CDC42EP4: variants seen among roughly 807,000 people sequenced by gnomAD.
CDC42EP4 encodes CDC42 effector protein (Rho GTPase binding) 4.
Under a neutral mutation model 5.6 loss-of-function variants are expected in CDC42EP4, and 6 were observed. The ratio of observed to expected loss-of-function variants is 1.07; its 90% CI spans 0.59 to 2.12. The LOEUF is 2.12. Ranked by LOEUF, CDC42EP4 falls within the 30% of genes most tolerant of loss-of-function variation. The pLI is 0.00. For missense variants in CDC42EP4, 490 were observed against 508.6 expected, an observed-to-expected ratio of 0.96 and a Z score of 0.35; for synonymous variants, 230 against 224.2, an observed-to-expected ratio of 1.03 and a Z score of -0.23.
Position 73,286,513 on chromosome 17 carries a change from G to T in CDC42EP4, c.-13C>A, listed in dbSNP as rs1394628835. 2 of 1,568,058 alleles carry T rather than the reference G, an allele frequency of 1.3e-6. No homozygotes were observed. On this transcript the variant is annotated 5_prime_UTR_variant, in exon 2 of 2. Transcript: ENST00000335793. The surrounding 1 kb of genome is among the most constrained non-coding windows in gnomAD (Gnocchi z 7.7). ...TGAGGATTGGCATCTTGCTGGATGG[G>T]CGGGGAGGTGGGCCCTCCCGAGGTA...
At chr17:73,287,213 T>C (rs1599429045) in intron 1 of CDC42EP4, among the ~76,000 whole-genome samples, 2 of 152,140 alleles carry the variant, frequency 1.3e-5, no homozygotes, top group South Asian at 4.2e-4. Context: ...GAATCAGAAC[T>C]GGGGTGGGGC....
intron 1 of CDC42EP4, among the ~76,000 whole-genome samples, chr17:73,301,952 A>C: frequency 6.6e-6 from 1 of 151,754 alleles, no homozygotes; most frequent in Non-Finnish European, 1.5e-5. Context: ...GGCCTCCCAA[A>C]GTGCTGGGAT....
intron 1 of CDC42EP4, among the ~76,000 whole-genome samples, chr17:73,309,576 A>G (rs1210340859): frequency 6.6e-6 from 1 of 152,058 alleles, no homozygotes; most frequent in Non-Finnish European, 1.5e-5. Context: ...CAAGGGAAAG[A>G]GAGAAACGAG....
In CDC42EP4 at chr17:73,286,397, C is replaced by G; in HGVS notation, c.104G>C (p.Arg35Pro). The change falls in exon 2 of 2, where the codon CGC becomes CCC. Residue 35 changes from arginine (R) to proline (P), a missense_variant. Transcript: ENST00000335793. This position sits in a 1 kb window ranked among gnomAD's most constrained non-coding sequence, Gnocchi z 7.7. ...GGCCCGGCCAACGTGCATGGTGTGGCGGAAGTCGCCCAGCGGGGCGCTGAT... is the reference window on the plus strand; with the variant it reads ...GGCCCGGCCAACGTGCATGGTGTGGGGGAAGTCGCCCAGCGGGGCGCTGAT... ...EMISAPLGDF[R>P]HTMHVGRAGD... 6.2e-7 allele frequency: 1 copy of G among 1,613,938 alleles called. No individual in the cohort carries two copies. Among genetic ancestry groups the G allele is most frequent in the South Asian group, 1.1e-5 (1 of 91,084 alleles).
Position 73,286,648 on chromosome 17 carries a change from G to A in CDC42EP4, c.-112-36C>T, listed in dbSNP as rs1178118268. 6.4e-6 allele frequency: 4 copies of A among 628,480 alleles called. No individual in the cohort carries two copies. The highest frequency in any genetic ancestry group is 3.0e-5 in the Admixed American group (1 of 33,848). 38.9% of individuals were successfully genotyped at this position (628,480 alleles called of 1,614,324 possible). A position where few individuals can be genotyped will look rare whatever the true frequency, so the allele number is the denominator to read the frequency against. On this transcript the variant is annotated intron_variant, in intron 1 of 1. Transcript: ENST00000335793. This position sits in a 1 kb window ranked among gnomAD's most constrained non-coding sequence, Gnocchi z 7.7. ...AGAATGAGAGGCAAAGGATTAACGCGGGCTGGCCACACGGCACAAAAGCCT... is the reference window on the plus strand; with the variant it reads ...AGAATGAGAGGCAAAGGATTAACGCAGGCTGGCCACACGGCACAAAAGCCT...
Position 73,301,538 on chromosome 17 carries a change from T to C in CDC42EP4, c.-113+10355A>G, listed in dbSNP as rs144534645. On this transcript the variant is annotated intron_variant, in intron 1 of 1. Transcript: ENST00000335793. ...TCTGTAAGGTCCTTTCAGGCAATTA[T>C]GTGCATAACCTTAACTATTTCCAGA... 3.3e-5 allele frequency among the ~76,000 whole-genome samples: 5 copies of C among 152,328 alleles called. No individual in the cohort carries two copies. In the East Asian group the frequency reaches 7.7e-4, roughly 24 times the overall value.
At chr17:73,294,623 T>C (rs916442384) in intron 1 of CDC42EP4, among the ~76,000 whole-genome samples, 1 of 152,142 alleles carries the variant, frequency 6.6e-6, no homozygotes, top group African/African-American at 2.4e-5. Flanking sequence ...GGACAAACAC[T>C]GAATATGTAA....
intron 1 of CDC42EP4, among the ~76,000 whole-genome samples, chr17:73,303,740 A>G (rs981243238): frequency 1.3e-5 from 2 of 152,006 alleles, no homozygotes; most frequent in Non-Finnish European, 2.9e-5. Context: ...AAAATTCCAT[A>G]TGTGACTAGC....
chr17:73,285,546 C>G lies in CDC42EP4; in HGVS notation c.955G>C (p.Glu319Gln), dbSNP rs1312556360. ...SLSSCTSGIL[E>Q]ERSPAFRGPD... is the part of the protein sequence containing the mutation. ...CCCCGGAAGGCAGGGCTGCGCTCCT[C>G]CAGGATGCCTGAGGTGCAGCTGGAG... The change falls in exon 2 of 2, where the codon GAG (glutamate) becomes CAG (glutamine). Residue 319 changes from glutamate to glutamine, a missense_variant. Transcript: ENST00000335793. This position sits in a 1 kb window ranked among gnomAD's most constrained non-coding sequence, Gnocchi z 6.8. 6.2e-7 allele frequency: 1 copy of G among 1,612,146 alleles called. No homozygotes were observed.
In CDC42EP4 at chr17:73,285,635, G is replaced by A. The variant is rs776486580; in HGVS notation, c.866C>T (p.Ala289Val). 3.8e-6 allele frequency: 6 copies of A among 1,597,878 alleles called. No homozygotes were observed. The highest frequency in any genetic ancestry group is 2.2e-5 in the East Asian group (1 of 44,540). ...GCGGGCTGAGCCGGGGCTGGGGGCC[G>A]CTGCTGCCCACCCCTCATCCTCCAG... Reference protein sequence around the residue: ...HALEDEGWAAAAPSPGSARSM... With the variant: ...HALEDEGWAAVAPSPGSARSM... Residue 289 changes from alanine (A) to valine (V), a missense_variant, in exon 2 of 2, where the codon GCG (alanine) becomes GTG (valine). Transcript: ENST00000335793. The surrounding 1 kb of genome is among the most constrained non-coding windows in gnomAD (Gnocchi z 6.8).
chr17:73,297,216 C>T (rs973839977), intron 1 of CDC42EP4, among the ~76,000 whole-genome samples: 2 of 151,342 alleles, frequency 1.3e-5, no homozygotes, highest in African/African-American at 4.9e-5. Flanking sequence ...ATCACTTGAA[C>T]CCGGGAGGCG....
chr17:73,300,621 CT>C (rs1279500583), intron 1 of CDC42EP4, among the ~76,000 whole-genome samples: 43 of 152,312 alleles, frequency 2.8e-4, no homozygotes, highest in African/African-American at 9.9e-4. Context: ...TGAGAAGTTA[CT>C]TAATGGGTAC....
chr17:73,285,909 A>T lies in CDC42EP4; in HGVS notation c.592T>A (p.Tyr198Asn). The part of the protein sequence containing the change: ...TDLPVVPKAT[Y>N]GLKHAESIMS... ...ATGGACTCCGCATGCTTCAGCCCGTACGTGGCCTTGGGCACGACAGGCAGA... is the reference window on the plus strand; with the variant it reads ...ATGGACTCCGCATGCTTCAGCCCGTTCGTGGCCTTGGGCACGACAGGCAGA... Residue 198 changes from tyrosine (Y) to asparagine (N), a missense_variant, in exon 2 of 2, where the codon TAC becomes AAC. Tyr to Asn is a moderately radical substitution (Grantham distance 143). Transcript: ENST00000335793. The surrounding 1 kb of genome is among the most constrained non-coding windows in gnomAD (Gnocchi z 6.8). 6.2e-7 allele frequency: 1 copy of T among 1,614,032 alleles called. No homozygotes were observed. Among genetic ancestry groups the T allele is most frequent in the Non-Finnish European group, 8.5e-7 (1 of 1,180,042 alleles).
rs150761554 is a variant in CDC42EP4 at position 73,285,911 on chromosome 17, G to A, written c.590C>T (p.Thr197Met). ...LTDLPVVPKA[T>M]YGLKHAESIM... ...GGACTCCGCATGCTTCAGCCCGTAC[G>A]TGGCCTTGGGCACGACAGGCAGATC... is the stretch of plus-strand genomic sequence containing the variant. The change falls in exon 2 of 2, where the codon ACG (threonine) becomes ATG (methionine). Residue 197 changes from threonine (T) to methionine (M), a missense_variant. Coordinates refer to ENST00000335793, the MANE Select transcript of CDC42EP4 (RefSeq NM_012121.5). This position sits in a 1 kb window ranked among gnomAD's most constrained non-coding sequence, Gnocchi z 6.8. 305 of 1,614,008 alleles carry A rather than the reference G, an allele frequency of 1.9e-4. No individual in the cohort carries two copies. The highest frequency in any genetic ancestry group is 1.4e-3 in the African/African-American group (106 of 75,060).
intron 1 of CDC42EP4, among the ~76,000 whole-genome samples, chr17:73,304,277 C>CTTCTT (rs1555742426): frequency 1.5e-5 from 2 of 135,966 alleles, no homozygotes; most frequent in Non-Finnish European, 3.1e-5. Flanking sequence ...TCTTCTTCTT[C>CTTCTT]TTTTTTTTTT....
In CDC42EP4 at chr17:73,285,652, A is replaced by G; in HGVS notation, c.849T>C (p.Asp283=). Residue 283 remains aspartate (D), a synonymous_variant, in exon 2 of 2, where the codon GAT becomes GAC. Coordinates refer to ENST00000335793, the MANE Select transcript of CDC42EP4 (RefSeq NM_012121.5). This position sits in a 1 kb window ranked among gnomAD's most constrained non-coding sequence, Gnocchi z 6.8. ...LPSLPSHALE[D]EGWAAAAPSP... ...TGGGGGCCGCTGCTGCCCACCCCTC[A>G]TCCTCCAGAGCATGGGAGGGGAGGG... The G allele has an allele frequency of 6.3e-7, 1 of 1,592,410 alleles. No individual in the cohort carries two copies. Among genetic ancestry groups the G allele is most frequent in the Non-Finnish European group, 8.6e-7 (1 of 1,166,788 alleles).
chr17:73,287,331 C>G (rs965977602), intron 1 of CDC42EP4, among the ~76,000 whole-genome samples: 5 of 152,186 alleles, frequency 3.3e-5, no homozygotes, highest in African/African-American at 1.2e-4. Flanking sequence ...AGGCTCTTTG[C>G]TGAGGGTCCA....
At position 73,284,614 on chromosome 17, in the gene CDC42EP4, A is replaced by G. The variant is rs1262086160; in HGVS notation, c.*816T>C. ...GGAGGCTTAGTATAAAGGTTTTCTA[A>G]AAGGATTGATTCTCATTCTGAGGCA... On this transcript the variant is annotated 3_prime_UTR_variant, in exon 2 of 2. Transcript: ENST00000335793. The G allele has an allele frequency of 6.6e-6, 1 of 152,210 alleles. No individual in the cohort carries two copies. The highest frequency in any genetic ancestry group is 1.5e-5 in the Non-Finnish European group (1 of 68,032). 9.4% of individuals were successfully genotyped at this position (152,210 alleles called of 1,614,324 possible).
chr17:73,301,733 C>T (rs548832671), intron 1 of CDC42EP4, among the ~76,000 whole-genome samples: 16 of 120,698 alleles, frequency 1.3e-4, no homozygotes, highest in African/African-American at 4.8e-4. Flanking sequence ...TTTTTTGAGG[C>T]CAAGTCTGTA....
Sources: allele counts gnomAD v4.1 joint callset (sites outside exome capture counted in the v4.1 genomes callset), GRCh38; gene constraint gnomAD v4.1.1; non-coding constraint Gnocchi (gnomAD v3.1); transcripts MANE v1.5; gene names NCBI Gene and HGNC (gene_info 2026-07-23, HGNC 2026-07-21).